Variants in EXOC6B observed in about 807,000 individuals in gnomAD.
EXOC6B encodes the protein exocyst complex component 6B, also known as SEC15 homolog B.
In EXOC6B, 54 loss-of-function variants were observed where a neutral mutation model predicts 113.5. The observed-to-expected ratio is 0.48, with a 90% confidence interval of 0.38 to 0.60. EXOC6B has a LOEUF of 0.60. Among genes scored for constraint, EXOC6B ranks in the 20% least tolerant of loss-of-function variants. The pLI is 0.00. For synonymous variants in EXOC6B, 357 were observed against 339.0 expected (o/e 1.05, Z -0.58); for missense variants, 797 against 977.5 (o/e 0.82, Z 2.46).
chr2:72,717,862 C>G (rs1446003634), intron 6 of EXOC6B, among the ~76,000 whole-genome samples: 1 of 152,128 alleles, frequency 6.6e-6, no homozygotes, highest in African/African-American at 2.4e-5. Context: ...TTCTTCATAA[C>G]CTCAATGTAA....
intron 6 of EXOC6B, among the ~76,000 whole-genome samples, chr2:72,664,293 A>G (rs1675230528): frequency 2.0e-5 from 3 of 152,140 alleles, no homozygotes; most frequent in Admixed American, 2.0e-4. Flanking sequence ...ACTGAGACTC[A>G]GTAGAGAGGC....
chr2:72,465,780 C>A (rs1463697441), intron 17 of EXOC6B, among the ~76,000 whole-genome samples: 1 of 152,196 alleles, frequency 6.6e-6, no homozygotes, highest in African/African-American at 2.4e-5. Flanking sequence ...CCTGCCACCA[C>A]ATTCAATATT....
intron 20 of EXOC6B, among the ~76,000 whole-genome samples, chr2:72,303,633 C>T (rs996479492): frequency 6.6e-6 from 1 of 152,034 alleles, no homozygotes; most frequent in African/African-American, 2.4e-5. Context: ...TTGCCATTCT[C>T]CTGAATCTTG....
intron 6 of EXOC6B, among the ~76,000 whole-genome samples, chr2:72,592,692 C>T (rs1367047292): frequency 1.3e-5 from 2 of 152,118 alleles, no homozygotes; most frequent in Admixed American, 6.6e-5. Context: ...CCCCACTGCC[C>T]AGCACAGAGC....
chr2:72,452,997 C>A (rs760446670), intron 18 of EXOC6B, among the ~76,000 whole-genome samples: 16 of 152,128 alleles, frequency 1.1e-4, no homozygotes, highest in Non-Finnish European at 1.9e-4. Context: ...TTGGAAACCT[C>A]AATTCAACAG....
intron 20 of EXOC6B, among the ~76,000 whole-genome samples, chr2:72,232,906 T>G (rs1271607146): frequency 2.0e-5 from 3 of 151,870 alleles, no homozygotes; most frequent in Non-Finnish European, 2.9e-5. Flanking sequence ...ATTCCGTCTC[T>G]ACTATAAACA....
At chr2:72,334,028 A>G (rs1688552538) in intron 20 of EXOC6B, among the ~76,000 whole-genome samples, 1 of 152,018 alleles carries the variant, frequency 6.6e-6, no homozygotes, top group African/African-American at 2.4e-5. Context: ...GAGGCACTGC[A>G]TCATTATGGC....
At chr2:72,607,647 A>G (rs2104054608) in intron 6 of EXOC6B, among the ~76,000 whole-genome samples, 1 of 152,302 alleles carries the variant, frequency 6.6e-6, no homozygotes, top group Non-Finnish European at 1.5e-5. Flanking sequence ...TATACACAGA[A>G]AAAAATCAGC....
At chr2:72,705,642 A>C (rs1678803480) in intron 6 of EXOC6B, among the ~76,000 whole-genome samples, 1 of 151,986 alleles carries the variant, frequency 6.6e-6, no homozygotes, top group South Asian at 2.1e-4. Context: ...AACCTGACAA[A>C]GCCTCTCCTA....
intron 20 of EXOC6B, among the ~76,000 whole-genome samples, chr2:72,292,424 A>G (rs747845477): frequency 1.3e-4 from 20 of 152,032 alleles, no homozygotes; most frequent in Non-Finnish European, 2.4e-4. Context: ...TGATGATAAT[A>G]CCTCATATAA....
At chr2:72,705,403 T>C (rs1254962204) in intron 6 of EXOC6B, among the ~76,000 whole-genome samples, 1 of 152,188 alleles carries the variant, frequency 6.6e-6, no homozygotes, top group Admixed American at 6.6e-5. Flanking sequence ...AGCATTCCCT[T>C]TGAAAACTGG....
At chr2:72,776,422 G>A (rs1177476571) in intron 1 of EXOC6B, among the ~76,000 whole-genome samples, 1 of 152,124 alleles carries the variant, frequency 6.6e-6, no homozygotes, top group African/African-American at 2.4e-5. Flanking sequence ...TTCGAGACTA[G>A]CCTGGGCAAC....
At chr2:72,560,362 G>GA (rs1230616636) in intron 7 of EXOC6B, among the ~76,000 whole-genome samples, 1 of 151,774 alleles carries the variant, frequency 6.6e-6, no homozygotes, top group East Asian at 1.9e-4. Flanking sequence ...AAAAGAAAAT[G>GA]AAAAAATTAC....
intron 20 of EXOC6B, among the ~76,000 whole-genome samples, chr2:72,264,852 C>T (rs1683957949): frequency 6.6e-6 from 1 of 152,050 alleles, no homozygotes; most frequent in African/African-American, 2.4e-5. Context: ...CATAAATTTC[C>T]TGAGGCCTCC....
chr2:72,206,831 A>G (rs1484177529), intron 20 of EXOC6B, among the ~76,000 whole-genome samples: 5 of 152,238 alleles, frequency 3.3e-5, no homozygotes, highest in Non-Finnish European at 7.4e-5. Context: ...CTACTTCTTT[A>G]GTATTTTTCC....
At chr2:72,379,549 G>T (rs1326148066) in intron 19 of EXOC6B, among the ~76,000 whole-genome samples, 180 bp downstream of exon 19, 1 of 152,114 alleles carries the variant, frequency 6.6e-6, no homozygotes, top group African/African-American at 2.4e-5. Context: ...GCACTTCTGG[G>T]AGTTCAAATT....
chr2:72,660,198 G>GA (rs879819855), intron 6 of EXOC6B, among the ~76,000 whole-genome samples: 46 of 140,806 alleles, frequency 3.3e-4, no homozygotes, highest in South Asian at 2.7e-3. Flanking sequence ...CAAAAAGCTG[G>GA]AAAAAAAAAA....
intron 10 of EXOC6B, among the ~76,000 whole-genome samples, chr2:72,513,969 T>A (rs1479039818): frequency 6.6e-6 from 1 of 152,116 alleles, no homozygotes; most frequent in African/African-American, 2.4e-5. Context: ...AGAATCCAAG[T>A]TATTTCCTTT....
rs187387630 is a variant in EXOC6B at position 72,467,519 on chromosome 2, A to G, written c.1801-2180T>C. Among the ~76,000 whole-genome samples the G allele has an allele frequency of 2.0e-5, 3 of 152,202 alleles. No individual in the cohort carries two copies. The East Asian group carries it at 5.8e-4, about 29-fold the overall frequency. ...CCATTTGTCTTTTTGATAATAGTCA[A>G]CCTAACAGGTGGAAAGTCATATATC... On this transcript the variant is annotated intron_variant, in intron 17 of 21. Coordinates refer to ENST00000272427, the MANE Select transcript of EXOC6B (RefSeq NM_015189.3).
Sources: gnomAD v4.1 joint callset for allele counts (sites outside exome capture counted in the v4.1 genomes callset) on GRCh38, gnomAD v4.1.1 for gene constraint, MANE v1.5 for transcripts, NCBI Gene and HGNC (gene_info 2026-07-23, HGNC 2026-07-21) for gene names.